Variants in LNX1 observed in about 807,000 individuals in gnomAD.
The protein encoded by LNX1 is E3 ubiquitin-protein ligase LNX.
LNX1 carries 54 observed loss-of-function variants against 68.4 expected under a neutral mutation model. The ratio of observed to expected loss-of-function variants is 0.79; its 90% CI spans 0.63 to 0.99. The LOEUF (loss-of-function observed/expected upper bound fraction) is 0.99, where lower values mean the gene tolerates loss of function less well. LNX1 is among the 50% of genes least tolerant of loss of function. LNX1 has a pLI of 0.00. For synonymous variants in LNX1, 336 were observed against 350.0 expected, an observed-to-expected ratio of 0.96 and a Z score of 0.45; for missense variants, 906 against 926.4, an observed-to-expected ratio of 0.98 and a Z score of 0.29.
chr4:53,568,430 T>G (rs1462175931), intron 2 of LNX1, among the ~76,000 whole-genome samples: 1 of 152,116 alleles, frequency 6.6e-6, no homozygotes, highest in Non-Finnish European at 1.5e-5. Flanking sequence ...GAAAAGGCCT[T>G]TGATAAAATT....
chr4:53,584,389 A>G (rs372025669), intron 1 of LNX1, among the ~76,000 whole-genome samples: 1 of 152,066 alleles, frequency 6.6e-6, no homozygotes, highest in South Asian at 2.1e-4. Flanking sequence ...TATCCACAGG[A>G]AAAAAAATGT....
chr4:53,496,417 T>G, intron 5 of LNX1, 23 bp from the exon 6 acceptor site: 1 of 1,550,776 alleles, frequency 6.4e-7, no homozygotes, highest in Non-Finnish European at 8.7e-7. Context: ...GGAACAATCG[T>G]GCGGTCAGCT....
At chr4:53,612,648 T>C (rs1433316262) in intron 2 of LNX1, among the ~76,000 whole-genome samples, 1 of 149,680 alleles carries the variant, frequency 6.7e-6, no homozygotes, top group East Asian at 2.0e-4. Flanking sequence ...AGCGAGACCC[T>C]GTCTCTACAA....
intron 1 of LNX1, among the ~76,000 whole-genome samples, chr4:53,616,793 G>A (rs948462369): frequency 2.6e-5 from 4 of 152,136 alleles, no homozygotes; most frequent in African/African-American, 7.2e-5. Context: ...TGGAGGCAAC[G>A]ATGGGTTACT....
At chr4:53,540,575 G>A (rs1262145061) in intron 2 of LNX1, among the ~76,000 whole-genome samples, 8 of 151,950 alleles carry the variant, frequency 5.3e-5, no homozygotes, top group Non-Finnish European at 1.5e-5. Flanking sequence ...CCAGCTACTC[G>A]GGAGGCTGAG....
chr4:53,495,548 C>CTTTTTTTTTTTTTTTT (rs199684639), intron 6 of LNX1, among the ~76,000 whole-genome samples: 4 of 119,414 alleles, frequency 3.3e-5, no homozygotes, highest in African/African-American at 6.5e-5. Flanking sequence ...CATGGCATAG[C>CTTTTTTTTTTTTTTTT]TTTTTTTTTT....
intron 6 of LNX1, among the ~76,000 whole-genome samples, chr4:53,491,467 C>G (rs1560624225): frequency 6.6e-6 from 1 of 152,152 alleles, no homozygotes; most frequent in Non-Finnish European, 1.5e-5. Context: ...CCAAGCTCTA[C>G]CAGGCCAGGA....
chr4:53,468,766 G>A (rs1373066232), intron 9 of LNX1, among the ~76,000 whole-genome samples: 2 of 152,162 alleles, frequency 1.3e-5, no homozygotes, highest in African/African-American at 4.8e-5. Context: ...ATGGTAAAGG[G>A]ATCAATTCAA....
In LNX1 at chr4:53,460,717, C is replaced by CTA. The variant is rs1721854675; in HGVS notation, c.*188_*189dup. 1.1e-5 allele frequency: 6 copies of CTA among 537,782 alleles called. No homozygotes were observed. The highest frequency in any genetic ancestry group is 7.9e-5 in the Admixed American group (2 of 25,222). 33.3% of individuals were successfully genotyped at this position (537,782 alleles called of 1,614,324 possible). ...AGAAATCCTCCACACTGAAAAAAAA[C>CTA]TAGTAGTTTTAATTTTTTTGGAATC... On this transcript the variant is annotated 3_prime_UTR_variant, in exon 11 of 11. Transcript: ENST00000263925.
intron 9 of LNX1, among the ~76,000 whole-genome samples, chr4:53,468,095 G>C (rs1003449439): frequency 3.3e-5 from 5 of 152,172 alleles, no homozygotes; most frequent in African/African-American, 1.2e-4. Context: ...CAGAGAGAAA[G>C]GTCGGGTTAC....
At chr4:53,641,880 T>C (rs998613926) in intron 1 of LNX1, among the ~76,000 whole-genome samples, 6 of 152,232 alleles carry the variant, frequency 3.9e-5, no homozygotes, top group Non-Finnish European at 8.8e-5. Context: ...TTCTGCTTAG[T>C]ATTGCATTGT....
rs77839254 is a variant in LNX1 at position 53,518,950 on chromosome 4, C to T, written c.381-10723G>A. Among the ~76,000 whole-genome samples the T allele has an allele frequency of 3.1e-3, 476 of 152,316 alleles. 1 individual carries two copies. The highest frequency in any genetic ancestry group is 9.5e-3 in the African/African-American group (396 of 41,574). The stretch of plus-strand genomic sequence containing the variant: ...AGGCTGGCAAGTGAGTCTGTCATAA[C>T]GGGGTTGGCATCTTCAGCCTGGAGT... On this transcript the variant is annotated intron_variant, in intron 2 of 10. Coordinates refer to ENST00000263925, the MANE Select transcript of LNX1 (RefSeq NM_001126328.3).
rs1733205028 is a variant in LNX1 at position 53,605,796 on chromosome 4, A to T, written c.-215+10721T>A. 1.3e-5 allele frequency among the ~76,000 whole-genome samples: 2 copies of T among 152,192 alleles called. 1 individual carries two copies. Among genetic ancestry groups the T allele is most frequent in the South Asian group, 4.1e-4 (2 of 4,822 alleles). ...GAATAATATTCCATTGTACATATGA[A>T]CTATAATCTCTTTATCCATCATCTA... is the stretch of plus-strand genomic sequence containing the variant. On this transcript the variant is annotated intron_variant, in intron 2 of 3. Transcript: ENST00000504299.
chr4:53,496,497 C>G, intron 5 of LNX1, 103 bp from the exon 6 acceptor site: 1 of 1,366,060 alleles, frequency 7.3e-7, no homozygotes, highest in Non-Finnish European at 9.7e-7. Context: ...TTAAAGACTG[C>G]TCTGCTCTCC....
chr4:53,535,720 G>A (rs1728326589), intron 2 of LNX1, among the ~76,000 whole-genome samples: 1 of 152,318 alleles, frequency 6.6e-6, no homozygotes, highest in East Asian at 1.9e-4. Flanking sequence ...CCTTACATAT[G>A]CCATGTACTT....
At chr4:53,602,741 T>G (rs1429666912) in intron 2 of LNX1, 1 of 152,228 alleles carries the variant, frequency 6.6e-6, no homozygotes, top group Admixed American at 6.5e-5. Flanking sequence ...TGGGTGATAG[T>G]TCACAAGGCT....
At chr4:53,631,970 T>A (rs974877576) in intron 1 of LNX1, among the ~76,000 whole-genome samples, 1 of 150,782 alleles carries the variant, frequency 6.6e-6, no homozygotes, top group African/African-American at 2.4e-5. Flanking sequence ...GAAAGGAGAG[T>A]GGAGAAAGAG....
At chr4:53,601,838 C>T (rs1472181127) in intron 2 of LNX1, among the ~76,000 whole-genome samples, 1 of 152,170 alleles carries the variant, frequency 6.6e-6, no homozygotes, top group Non-Finnish European at 1.5e-5. Flanking sequence ...CTGCAGGTCA[C>T]TCTGAAGCTG....
intron 1 of LNX1, among the ~76,000 whole-genome samples, chr4:53,624,488 C>A (rs575423293): frequency 2.6e-5 from 4 of 152,334 alleles, no homozygotes; most frequent in Admixed American, 2.0e-4. Flanking sequence ...CAGCCACATG[C>A]AACTGTGAGT....
Sources: gnomAD v4.1 joint callset for allele counts (sites outside exome capture counted in the v4.1 genomes callset) on GRCh38, gnomAD v4.1.1 for gene constraint, MANE v1.5 for transcripts, NCBI Gene and HGNC (gene_info 2026-07-23, HGNC 2026-07-21) for gene names.